ABCC2: variants seen among roughly 807,000 people sequenced by gnomAD.
The protein encoded by ABCC2 is ATP binding cassette subfamily C member 2, also known as ATP-binding cassette sub-family C member 2.
In ABCC2, 157 loss-of-function variants were observed where a neutral mutation model predicts 173.4. The observed-to-expected ratio is 0.91, with a 90% CI of 0.80 to 1.03. The LOEUF (loss-of-function observed/expected upper bound fraction) is 1.03, where lower values mean the gene tolerates loss of function less well. Among genes scored for constraint, ABCC2 ranks in the 50% least tolerant of loss-of-function variants. The pLI, the probability that ABCC2 is intolerant of heterozygous loss-of-function variation, is 0.00. For synonymous variants in ABCC2, 657 were observed against 693.5 expected (o/e 0.95, Z 0.83); for missense variants, 1,822 against 1,852.3 (o/e 0.98, Z 0.30).
intron 25 of ABCC2, among the ~76,000 whole-genome samples, chr10:99,839,315 G>T (rs1353083937): frequency 1.4e-4 from 15 of 108,404 alleles, no homozygotes; most frequent in African/African-American, 5.2e-4. Context: ...GGGCGGCCGG[G>T]CAGAGGCGCC....
intron 28 of ABCC2, among the ~76,000 whole-genome samples, chr10:99,844,956 T>G (rs1365876913): frequency 6.6e-6 from 1 of 152,198 alleles, no homozygotes; most frequent in Non-Finnish European, 1.5e-5. Context: ...AGTCTGGCTC[T>G]CAGCTGGTGG....
chr10:99,808,160 C>T lies in ABCC2; in HGVS notation c.1746C>T (p.Ser582=), dbSNP rs755050210. ...NILDAQKAFT[S]ITLFNILRFP... ...TGGATGCACAAAAGGCCTTCACCTC[C>T]ATTACCCTCTTCAATATCCTGCGCT... Residue 582 remains serine, a synonymous_variant, in exon 13 of 32, where the codon TCC becomes TCT. Coordinates refer to ENST00000647814, the MANE Select transcript of ABCC2 (RefSeq NM_000392.5). 1 of 1,614,132 alleles carries T rather than the reference C, an allele frequency of 6.2e-7. No individual in the cohort carries two copies. The highest frequency in any genetic ancestry group is 8.5e-7 in the Non-Finnish European group (1 of 1,179,994).
chr10:99,826,001 T>A (rs908594788), intron 19 of ABCC2, among the ~76,000 whole-genome samples: 1 of 152,240 alleles, frequency 6.6e-6, no homozygotes, highest in East Asian at 1.9e-4. Flanking sequence ...TTCCCGACAA[T>A]GGTTGCCCAT....
At position 99,845,612 on chromosome 10, in the gene ABCC2, C is replaced by T; in HGVS notation, c.3988-12C>T. 6.2e-7 allele frequency: 1 copy of T among 1,614,000 alleles called. No homozygotes were observed. Among genetic ancestry groups the T allele is most frequent in the Non-Finnish European group, 8.5e-7 (1 of 1,179,970 alleles). Reference sequence around the variant, plus strand: ...TTTGTGGAACTAATGTGTAAGGGAACTATATTCGCAGATTGGTGTGGTGGG... The same window carrying T: ...TTTGTGGAACTAATGTGTAAGGGAATTATATTCGCAGATTGGTGTGGTGGG... On this transcript the variant is annotated splice_polypyrimidine_tract_variant and intron_variant, in intron 28 of 31. Transcript: ENST00000647814.
intron 2 of ABCC2, among the ~76,000 whole-genome samples, chr10:99,788,360 A>G (rs567531299): frequency 4.0e-4 from 61 of 152,294 alleles, no homozygotes; most frequent in Non-Finnish European, 7.8e-4. Flanking sequence ...TGATACCACC[A>G]TGCAGCCAAG....
chr10:99,812,433 A>C lies in ABCC2; in HGVS notation c.1968-585A>C, dbSNP rs2038231933. ...GAAACTCAAATAACAGGGCTGGCAC[A>C]CACAGTTTCCGGGAACCTATCCCAT... On this transcript the variant is annotated intron_variant, in intron 15 of 31. Transcript: ENST00000647814. Among the ~76,000 whole-genome samples the C allele has an allele frequency of 1.3e-5, 2 of 152,240 alleles. 1 individual carries two copies. Among genetic ancestry groups the C allele is most frequent in the South Asian group, 4.1e-4 (2 of 4,838 alleles).
In ABCC2 at chr10:99,818,900, T is replaced by G. The variant is rs775090587; in HGVS notation, c.2382T>G (p.His794Gln). Residue 794 changes from histidine to glutamine, a missense_variant, in exon 18 of 32, where the codon CAT becomes CAG. Transcript: ENST00000647814. ...ACCCCCTGTCTGCAGTGGATGCTCATGTAGGAAAACATATTTTTAATAAGG... is the reference window on the plus strand; with the variant it reads ...ACCCCCTGTCTGCAGTGGATGCTCAGGTAGGAAAACATATTTTTAATAAGG... Reference protein sequence around the residue: ...LDDPLSAVDAHVGKHIFNKVL... With the variant: ...LDDPLSAVDAQVGKHIFNKVL... 1.2e-6 allele frequency: 2 copies of G among 1,614,196 alleles called. No individual in the cohort carries two copies. Among genetic ancestry groups the G allele is most frequent in the South Asian group, 2.2e-5 (2 of 91,082 alleles).
intron 29 of ABCC2, among the ~76,000 whole-genome samples, chr10:99,846,755 G>A (rs1028504816): frequency 1.3e-5 from 2 of 152,054 alleles, no homozygotes; most frequent in African/African-American, 4.8e-5. Flanking sequence ...AATAAACCGA[G>A]GACTTCTAAC....
Position 99,799,376 on chromosome 10 carries a change from T to C in ABCC2, c.1031+6T>C. 1 of 1,613,928 alleles carries C rather than the reference T, an allele frequency of 6.2e-7. No homozygotes were observed. On this transcript the variant is annotated splice_donor_region_variant and intron_variant, in intron 8 of 31. Transcript: ENST00000647814. ...GTGAGTCCTCAGCTGCTGAAGTGAGTCTCCAGGCCTCAGATGGTCCTTTCA... is the reference window on the plus strand; with the variant it reads ...GTGAGTCCTCAGCTGCTGAAGTGAGCCTCCAGGCCTCAGATGGTCCTTTCA...
In ABCC2 at chr10:99,814,466, CAT is replaced by C. The variant is rs1491067144; in HGVS notation, c.2094+1325_2094+1326del. On this transcript the variant is annotated intron_variant, in intron 16 of 31. Coordinates refer to ENST00000647814, the MANE Select transcript of ABCC2 (RefSeq NM_000392.5). ...ACATATGTGTGTATATACATACACA[CAT>C]ATGTGTGTATATACATACACACAAA... 9.3e-4 allele frequency among the ~76,000 whole-genome samples: 58 copies of C among 62,190 alleles called. 13 individuals are homozygous for C. Among genetic ancestry groups the C allele is most frequent in the South Asian group, 9.2e-3 (19 of 2,056 alleles). 40.8% of individuals were successfully genotyped at this position (62,190 alleles called of 152,430 possible).
At position 99,847,113 on chromosome 10, in the gene ABCC2, T is replaced by C. The variant is rs1466020383; in HGVS notation, c.4299T>C (p.Ala1433=). ...QLGLSHEVTE[A]GGNLSIGQRQ... ...GGTTATCCCACGAAGTGACAGAGGC[T>C]GGTGGCAACCTGAGGTAATGTTCCA... Residue 1433 remains alanine, a synonymous_variant, in exon 30 of 32, where the codon GCT becomes GCC. Coordinates refer to ENST00000647814, the MANE Select transcript of ABCC2 (RefSeq NM_000392.5). 1 of 1,614,012 alleles carries C rather than the reference T, an allele frequency of 6.2e-7. No homozygotes were observed. The highest frequency in any genetic ancestry group is 1.3e-5 in the African/African-American group (1 of 74,926).
chr10:99,834,643 C>A, intron 24 of ABCC2, 108 bp downstream of exon 24: 1 of 1,340,978 alleles, frequency 7.5e-7, no homozygotes, highest in Non-Finnish European at 1.1e-6. Flanking sequence ...CTCACTCCTC[C>A]CCTCAGCAGC....
intron 19 of ABCC2, among the ~76,000 whole-genome samples, chr10:99,825,816 C>T (rs1424395055): frequency 6.6e-6 from 1 of 152,214 alleles, no homozygotes; most frequent in African/African-American, 2.4e-5. Flanking sequence ...GTACATAAAT[C>T]TACTGCTGCA....
At position 99,814,212 on chromosome 10, in the gene ABCC2, T is replaced by G. The variant is rs1268940513; in HGVS notation, c.2094+1068T>G. Among the ~76,000 whole-genome samples the G allele has an allele frequency of 6.6e-5, 2 of 30,188 alleles. 1 individual carries two copies. Among genetic ancestry groups the G allele is most frequent in the Admixed American group, 6.1e-4 (2 of 3,294 alleles). 19.8% of individuals were successfully genotyped at this position (30,188 alleles called of 152,430 possible). A position where few individuals can be genotyped will look rare whatever the true frequency, so the allele number is the denominator to read the frequency against. ...ACACACATGTGTATATATACACACATGTGTATATATACACACATGTGTATA... is the reference window on the plus strand; with the variant it reads ...ACACACATGTGTATATATACACACAGGTGTATATATACACACATGTGTATA... On this transcript the variant is annotated intron_variant, in intron 16 of 31. Transcript: ENST00000647814.
intron 16 of ABCC2, among the ~76,000 whole-genome samples, chr10:99,814,642 CACATATACACACACAT>C (rs2038350855): frequency 2.4e-5 from 3 of 125,868 alleles, no homozygotes; most frequent in Non-Finnish European, 3.3e-5. Context: ...TGTGTATATA[CACATATACACACACAT>C]ATGTGTATAT....
intron 6 of ABCC2, among the ~76,000 whole-genome samples, chr10:99,796,256 G>A (rs575857566): frequency 4.6e-5 from 7 of 152,120 alleles, no homozygotes; most frequent in South Asian, 2.1e-4. Context: ...TGTAATCTCA[G>A]CACTTTGGGA....
Position 99,832,017 on chromosome 10 carries a change from T to A in ABCC2, c.3144T>A (p.Gly1048=). ...VFIAHFWSAF[G]FVHASNILHK... ...TAGCACATTTCTGGAGTGCCTTTGG[T>A]TTCGTCCATGCATCAAATATCTTGC... Residue 1048 remains glycine (G), a synonymous_variant, in exon 23 of 32, where the codon GGT becomes GGA. Transcript: ENST00000647814. The A allele has an allele frequency of 6.2e-7, 1 of 1,614,228 alleles. No individual in the cohort carries two copies. The highest frequency in any genetic ancestry group is 2.2e-5 in the East Asian group (1 of 44,890).
chr10:99,814,701 A>ACACACACG (rs2038360706), intron 16 of ABCC2, among the ~76,000 whole-genome samples: 1 of 143,916 alleles, frequency 6.9e-6, no homozygotes, highest in African/African-American at 2.5e-5. Context: ...ATACACATAT[A>ACACACACG]TGTGTATACA....
In ABCC2 at chr10:99,844,351, G is replaced by A. The variant is rs765304225; in HGVS notation, c.3873G>A (p.Pro1291=). The change falls in exon 28 of 32, where the codon CCG becomes CCA. Residue 1291 remains proline (P), a synonymous_variant. Transcript: ENST00000647814. ...EAPWVTDKRP[P]PDWPSKGKIQ... is the part of the protein sequence containing the mutation. ...CCTGGGTGACTGATAAGAGGCCTCC[G>A]CCAGATTGGCCCAGCAAAGGCAAGA... 6.2e-6 allele frequency: 10 copies of A among 1,614,020 alleles called. No homozygotes were observed. Among genetic ancestry groups the A allele is most frequent in the African/African-American group, 1.3e-5 (1 of 74,924 alleles).
Sources: allele counts gnomAD v4.1 joint callset (sites outside exome capture counted in the v4.1 genomes callset), GRCh38; gene constraint gnomAD v4.1.1; transcripts MANE v1.5; gene names NCBI Gene and HGNC (gene_info 2026-07-23, HGNC 2026-07-21).